The following EYA4 variants were observed in gnomAD, a reference collection of about 807,000 sequenced individuals.
EYA4 encodes protein phosphatase EYA4.
A neutral mutation model predicts 87.9 loss-of-function variants in EYA4; 31 were observed. That is an observed-to-expected ratio of 0.35 (90% CI 0.27 to 0.48). The LOEUF is 0.48. Ranked by LOEUF, EYA4 falls within the 20% of genes least tolerant of loss-of-function variation. The pLI is 0.99. For missense variants in EYA4, 678 were observed against 761.4 expected, an observed-to-expected ratio of 0.89 and a Z score of 1.29; for synonymous variants, 263 against 270.6, an observed-to-expected ratio of 0.97 and a Z score of 0.28.
At chr6:133,297,402 G>A (rs1241625131) in intron 2 of EYA4, among the ~76,000 whole-genome samples, 1 of 152,216 alleles carries the variant, frequency 6.6e-6, no homozygotes, top group Admixed American at 6.5e-5. Context: ...CAGGAACAGT[G>A]TTTTCTTCTT....
intron 14 of EYA4, chr6:133,510,287 T>A (rs1799033502): frequency 6.5e-6 from 1 of 153,386 alleles, no homozygotes; most frequent in South Asian, 2.0e-4. Context: ...ATTAATTTAT[T>A]ATAAAAGAGA....
intron 2 of EYA4, among the ~76,000 whole-genome samples, chr6:133,315,285 A>G (rs892155522): frequency 2.6e-5 from 4 of 152,176 alleles, no homozygotes; most frequent in Non-Finnish European, 5.9e-5. Context: ...ATATTTTCCC[A>G]GTGCTTTTGG....
chr6:133,411,694 A>G (rs1377343277), intron 3 of EYA4, among the ~76,000 whole-genome samples: 1 of 152,218 alleles, frequency 6.6e-6, no homozygotes, highest in Admixed American at 6.5e-5. Flanking sequence ...TATTTGCATA[A>G]TATATCAGAG....
intron 11 of EYA4, among the ~76,000 whole-genome samples, chr6:133,480,123 G>A (rs895005243): frequency 6.6e-6 from 1 of 152,114 alleles, no homozygotes; most frequent in Non-Finnish European, 1.5e-5. Context: ...AGTGATCAGA[G>A]GATGGAATTC....
chr6:133,397,014 C>G (rs944714166), intron 3 of EYA4, among the ~76,000 whole-genome samples: 7 of 152,192 alleles, frequency 4.6e-5, no homozygotes, highest in African/African-American at 1.7e-4. Flanking sequence ...TTAAAAAGAT[C>G]TGGAAAATGC....
chr6:133,515,622 A>AGTGTGTGT (rs72318662), intron 17 of EYA4, among the ~76,000 whole-genome samples, 187 bp downstream of exon 17: 93 of 146,744 alleles, frequency 6.3e-4, no homozygotes, highest in African/African-American at 2.0e-3. Flanking sequence ...TGTGTGTGTG[A>AGTGTGTGT]GTGTGTGTGT....
intron 2 of EYA4, among the ~76,000 whole-genome samples, chr6:133,311,145 A>G (rs1282353778): frequency 2.0e-5 from 3 of 152,038 alleles, no homozygotes; most frequent in African/African-American, 7.2e-5. Context: ...AGTCTGTTCC[A>G]AGCCTGTTCA....
intron 1 of EYA4, among the ~76,000 whole-genome samples, chr6:133,267,246 ATTGT>A (rs1015772387): frequency 4.6e-5 from 7 of 152,176 alleles, no homozygotes; most frequent in African/African-American, 1.7e-4. Context: ...CAAAAATGTA[ATTGT>A]TTATCAAATT....
chr6:133,369,245 A>G (rs1312979562), intron 2 of EYA4, among the ~76,000 whole-genome samples: 2 of 152,128 alleles, frequency 1.3e-5, no homozygotes, highest in African/African-American at 2.4e-5. Context: ...TTAATATCAG[A>G]TAATAGCATT....
At chr6:133,410,767 G>T (rs75848487) in intron 3 of EYA4, among the ~76,000 whole-genome samples, 97 of 151,946 alleles carry the variant, frequency 6.4e-4, no homozygotes, top group African/African-American at 2.2e-3. Context: ...TTCAAACAGG[G>T]CTCTGGTTCC....
chr6:133,483,762 C>T (rs887260938), intron 13 of EYA4, among the ~76,000 whole-genome samples: 4 of 150,186 alleles, frequency 2.7e-5, no homozygotes, highest in African/African-American at 9.8e-5. Flanking sequence ...CTCACTCTGT[C>T]CCCCAGGCTA....
At chr6:133,420,296 A>G (rs1364942674) in intron 3 of EYA4, among the ~76,000 whole-genome samples, 1 of 152,218 alleles carries the variant, frequency 6.6e-6, no homozygotes, top group Non-Finnish European at 1.5e-5. Flanking sequence ...GGCAAAGACT[A>G]TAGAAAGAAG....
At chr6:133,347,434 A>T (rs917801994) in intron 2 of EYA4, among the ~76,000 whole-genome samples, 3 of 152,148 alleles carry the variant, frequency 2.0e-5, no homozygotes, top group African/African-American at 4.8e-5. Context: ...TGTGTTAATT[A>T]TACACTTAAA....
At chr6:133,436,903 C>G (rs773731267) in intron 3 of EYA4, among the ~76,000 whole-genome samples, 3 of 151,998 alleles carry the variant, frequency 2.0e-5, no homozygotes, top group Non-Finnish European at 4.4e-5. Flanking sequence ...CTTCAGAGTT[C>G]GAGTAGACTC....
chr6:133,297,161 C>A lies in EYA4; in HGVS notation c.33+22348C>A, dbSNP rs539127181. ...TTTTTGTTTTTTATGAATGTGTCTA[C>A]ACACATGATTTCTTTAGATAGCATT... On this transcript the variant is annotated intron_variant, in intron 2 of 19. Transcript: ENST00000355286. Among the ~76,000 whole-genome samples the A allele has an allele frequency of 1.4e-4, 21 of 152,242 alleles. No individual in the cohort carries two copies. In the South Asian group the frequency reaches 3.9e-3, roughly 29 times the overall value.
chr6:133,448,729 G>A (rs1316379113), intron 5 of EYA4, among the ~76,000 whole-genome samples: 1 of 151,962 alleles, frequency 6.6e-6, no homozygotes, highest in East Asian at 1.9e-4. Context: ...ATTAATATTG[G>A]CTTTTAAATT....
intron 2 of EYA4, among the ~76,000 whole-genome samples, chr6:133,313,029 T>C (rs559048566): frequency 1.5e-4 from 23 of 152,302 alleles, no homozygotes; most frequent in African/African-American, 5.3e-4. Context: ...GATTATATTT[T>C]ATTTTCATTT....
At chr6:133,280,312 G>A (rs2128280034) in intron 2 of EYA4, among the ~76,000 whole-genome samples, 1 of 152,314 alleles carries the variant, frequency 6.6e-6, no homozygotes, top group South Asian at 2.1e-4. Context: ...CTAAACTGAA[G>A]TTACAAAGTA....
At position 133,531,262 on chromosome 6, in the gene EYA4, T is replaced by G. The variant is rs1800993948; in HGVS notation, c.*2457T>G. ...CAAGGTTGACGGAGAACAGCTTGTC[T>G]GGCACAACAATGGTGCAGGCCCACG... On this transcript the variant is annotated 3_prime_UTR_variant, in exon 20 of 20. Coordinates refer to ENST00000355286, the MANE Select transcript of EYA4 (RefSeq NM_004100.5). 11 of 1,488,212 alleles carry G rather than the reference T, an allele frequency of 7.4e-6. No homozygotes were observed. The highest frequency in any genetic ancestry group is 1.0e-5 in the Non-Finnish European group (11 of 1,104,464). The allele number at this position is 1,488,212 out of a possible 1,614,324, so 92.2% of individuals were successfully genotyped here.
Sources: allele counts gnomAD v4.1 joint callset (sites outside exome capture counted in the v4.1 genomes callset), GRCh38; gene constraint gnomAD v4.1.1; transcripts MANE v1.5; gene names NCBI Gene and HGNC (gene_info 2026-07-23, HGNC 2026-07-21).